Variants in COL24A1 observed in about 807,000 individuals in gnomAD.
The protein encoded by COL24A1 is collagen alpha-1(XXIV) chain.
Under a neutral mutation model 253.9 loss-of-function variants are expected in COL24A1, and 224 were observed. The observed-to-expected ratio is 0.88, with a 90% confidence interval of 0.79 to 0.99. COL24A1 has a LOEUF of 0.99. Ranked by LOEUF, COL24A1 falls within the 50% of genes least tolerant of loss-of-function variation. The probability of loss-of-function intolerance (pLI) is 0.00; values close to 1 mark genes in which losing one functional copy is unlikely to be tolerated. For synonymous variants in COL24A1, 685 were observed against 673.7 expected (o/e 1.02, Z -0.26); for missense variants, 2,131 against 2,068.5 (o/e 1.03, Z -0.59).
chr1:86,042,199 C>G (rs1255210598), intron 12 of COL24A1, among the ~76,000 whole-genome samples: 1 of 151,860 alleles, frequency 6.6e-6, no homozygotes, highest in Non-Finnish European at 1.5e-5. Flanking sequence ...ATCCTGAAAT[C>G]AAAAATGGCT....
Position 85,754,343 on chromosome 1 carries a change from C to T in COL24A1, c.4437+7053G>A, listed in dbSNP as rs1295775457. Among the ~76,000 whole-genome samples, 22 of 71,282 alleles carry T rather than the reference C, an allele frequency of 3.1e-4. 1 individual carries two copies. The East Asian group carries it at 6.5e-3, about 21-fold the overall frequency. 46.8% of individuals were successfully genotyped at this position (71,282 alleles called of 152,430 possible). A position where few individuals can be genotyped will look rare whatever the true frequency, so the allele number is the denominator to read the frequency against. ...ATAGGTGGGAATTGAACAATGAGATCACTTGGACACAGGAAGGGGAATATC... is the reference window on the plus strand; with the variant it reads ...ATAGGTGGGAATTGAACAATGAGATTACTTGGACACAGGAAGGGGAATATC... On this transcript the variant is annotated intron_variant, in intron 55 of 59. Transcript: ENST00000370571.
At chr1:85,788,962 A>G (rs1669993995) in intron 47 of COL24A1, among the ~76,000 whole-genome samples, 1 of 152,098 alleles carries the variant, frequency 6.6e-6, no homozygotes, top group African/African-American at 2.4e-5. Flanking sequence ...TGGTTACTGT[A>G]GCTTTGTAGT....
chr1:85,927,088 C>T (rs1402518185), intron 24 of COL24A1, among the ~76,000 whole-genome samples: 3 of 151,866 alleles, frequency 2.0e-5, no homozygotes, highest in South Asian at 2.1e-4. Context: ...CCAAGACGGC[C>T]GAATAGGAAC....
intron 1 of COL24A1, among the ~76,000 whole-genome samples, chr1:86,152,996 A>G (rs1652982757): frequency 6.6e-6 from 1 of 152,152 alleles, no homozygotes; most frequent in Non-Finnish European, 1.5e-5. Flanking sequence ...GTCTCTGTTT[A>G]TCTCTCCAGC....
At chr1:86,130,895 G>C (rs1288130123) in intron 2 of COL24A1, among the ~76,000 whole-genome samples, 2 of 151,858 alleles carry the variant, frequency 1.3e-5, no homozygotes, top group African/African-American at 4.8e-5. Flanking sequence ...TTTTGTAGTA[G>C]CTTCCCCAAT....
At chr1:86,114,690 AT>A in intron 4 of COL24A1, among the ~76,000 whole-genome samples, 1 of 152,348 alleles carries the variant, frequency 6.6e-6, no homozygotes, top group East Asian at 1.9e-4. Flanking sequence ...TGTATGTTAA[AT>A]AAAAATCAGA....
chr1:86,115,956 A>G (rs1706099573), intron 3 of COL24A1, among the ~76,000 whole-genome samples: 1 of 152,230 alleles, frequency 6.6e-6, no homozygotes, highest in Non-Finnish European at 1.5e-5. Context: ...ATAAAGTATG[A>G]AAGCAAAAAC....
At chr1:86,092,424 T>C (rs1703568411) in intron 5 of COL24A1, 104 bp from the exon 6 acceptor site, 2 of 721,822 alleles carry the variant, frequency 2.8e-6, no homozygotes, top group South Asian at 2.1e-5. Context: ...TTATATGGTG[T>C]TAAATAAAAT....
intron 2 of COL24A1, among the ~76,000 whole-genome samples, chr1:86,131,560 G>A (rs970993892): frequency 4.3e-5 from 6 of 138,928 alleles, no homozygotes; most frequent in African/African-American, 1.7e-4. Flanking sequence ...ACCTTCCTGT[G>A]TTCATGTGTT....
rs765607746 is a variant in COL24A1 at position 85,813,532 on chromosome 1, C to CT, written c.3951+3255dup. Among the ~76,000 whole-genome samples, 182 of 76,246 alleles carry CT rather than the reference C, an allele frequency of 2.4e-3. 38 individuals are homozygous for CT. The highest frequency in any genetic ancestry group is 9.3e-3 in the East Asian group (11 of 1,180). The allele number at this position is 76,246 out of a possible 152,430, so 50.0% of individuals were successfully genotyped here. ...AATTACTAGAAAATCTCATTCAGGT[C>CT]TTTTTTTTTTTTTTTTTTTTTTTTT... On this transcript the variant is annotated intron_variant, in intron 47 of 59. Transcript: ENST00000370571.
chr1:85,986,207 CTT>C (rs986523660), intron 20 of COL24A1, among the ~76,000 whole-genome samples: 46 of 151,510 alleles, frequency 3.0e-4, no homozygotes, highest in African/African-American at 9.9e-4. Context: ...GATCAGGACT[CTT>C]TTTTTTCTTG....
At chr1:85,900,603 C>T (rs1226985353) in intron 28 of COL24A1, among the ~76,000 whole-genome samples, 2 of 152,078 alleles carry the variant, frequency 1.3e-5, no homozygotes, top group Non-Finnish European at 2.9e-5. Flanking sequence ...CGCGTCACTG[C>T]ACTCCAGCCT....
At chr1:86,072,256 CT>C (rs1701931555) in intron 7 of COL24A1, among the ~76,000 whole-genome samples, 1 of 152,190 alleles carries the variant, frequency 6.6e-6, no homozygotes, top group African/African-American at 2.4e-5. Flanking sequence ...CTAAAATCCA[CT>C]GGCTTGAAAT....
chr1:85,882,634 A>T (rs951277210), intron 32 of COL24A1, among the ~76,000 whole-genome samples: 3 of 152,132 alleles, frequency 2.0e-5, no homozygotes, highest in African/African-American at 7.2e-5. Context: ...GATCTAGTTG[A>T]CTTACGGTAC....
chr1:85,900,546 G>A (rs1025264127), intron 28 of COL24A1, among the ~76,000 whole-genome samples: 1 of 152,160 alleles, frequency 6.6e-6, no homozygotes, highest in Admixed American at 6.5e-5. Context: ...GGTTGAGGCA[G>A]TGGGATCATG....
At chr1:85,869,100 T>G (rs942177429) in intron 35 of COL24A1, among the ~76,000 whole-genome samples, 3 of 152,132 alleles carry the variant, frequency 2.0e-5, no homozygotes, top group Non-Finnish European at 4.4e-5. Context: ...ATAATTAAAG[T>G]AATATATATC....
At position 85,940,853 on chromosome 1, in the gene COL24A1, A is replaced by G. The variant is rs1390500334; in HGVS notation, c.2562+20396T>C. Among the ~76,000 whole-genome samples the G allele has an allele frequency of 2.0e-5, 3 of 152,276 alleles. No individual in the cohort carries two copies. The East Asian group carries it at 5.8e-4, about 29-fold the overall frequency. ...ACTCAACAGATGCTTTTACTCTCACATTTATGTTATGGTAAACTCAAGAAT... is the reference window on the plus strand; with the variant it reads ...ACTCAACAGATGCTTTTACTCTCACGTTTATGTTATGGTAAACTCAAGAAT... On this transcript the variant is annotated intron_variant, in intron 24 of 59. Transcript: ENST00000370571.
chr1:85,908,783 G>A (rs973202513), intron 26 of COL24A1, 132 bp from the exon 27 acceptor site: 2 of 428,536 alleles, frequency 4.7e-6, no homozygotes, highest in Non-Finnish European at 8.4e-6. Context: ...TTGTAACCAA[G>A]ATATGAAAGG....
At chr1:85,844,976 A>G (rs1463445654) in intron 39 of COL24A1, among the ~76,000 whole-genome samples, 2 of 151,938 alleles carry the variant, frequency 1.3e-5, no homozygotes, top group Admixed American at 1.3e-4. Context: ...ACTTATGCCT[A>G]AATCCAATCA....
Sources: allele counts gnomAD v4.1 joint callset (sites outside exome capture counted in the v4.1 genomes callset), GRCh38; gene constraint gnomAD v4.1.1; transcripts MANE v1.5; gene names NCBI Gene and HGNC (gene_info 2026-07-23, HGNC 2026-07-21).